Variants in PLOD2 observed in about 807,000 individuals in gnomAD.
The protein encoded by PLOD2 is lysine hydroxylase 2.
PLOD2 carries 65 observed loss-of-function variants against 101.0 expected under a neutral mutation model. The observed-to-expected ratio is 0.64, with a 90% CI of 0.53 to 0.79. PLOD2 has a LOEUF of 0.79. Ranked by LOEUF, PLOD2 falls within the 30% of genes least tolerant of loss-of-function variation. The pLI, the probability that PLOD2 is intolerant of heterozygous loss-of-function variation, is 0.00. For synonymous variants in PLOD2, 314 were observed against 302.9 expected (o/e 1.04, Z -0.38); for missense variants, 909 against 914.6 (o/e 0.99, Z 0.08).
intron 7 of PLOD2, among the ~76,000 whole-genome samples, chr3:146,098,462 G>A (rs1052927325): frequency 9.2e-5 from 14 of 151,868 alleles, no homozygotes; most frequent in African/African-American, 3.1e-4. Context: ...TGTTAATTAA[G>A]AAACACAAAA....
chr3:146,085,566 T>C (rs754749943), intron 10 of PLOD2: 3 of 472,730 alleles, frequency 6.3e-6, no homozygotes, highest in Non-Finnish European at 7.5e-6. Context: ...AAAATGTTTC[T>C]GCATACATAC....
chr3:146,106,791 A>G (rs1020838691), intron 4 of PLOD2, 147 bp from the exon 5 acceptor site: 21 of 674,474 alleles, frequency 3.1e-5, no homozygotes, highest in Non-Finnish European at 5.4e-5. Context: ...CATGAAAGAA[A>G]TATGAATTAT....
intron 15 of PLOD2, chr3:146,076,538 T>TA: frequency 3.5e-6 from 1 of 286,808 alleles, no homozygotes; most frequent in African/African-American, 2.2e-5. Context: ...CTTTCCAAAT[T>TA]CATTCCGACC....
At chr3:146,091,504 A>G (rs1326910560) in intron 8 of PLOD2, among the ~76,000 whole-genome samples, 1 of 151,878 alleles carries the variant, frequency 6.6e-6, no homozygotes, top group Non-Finnish European at 1.5e-5. Flanking sequence ...TTTTTTCTCA[A>G]TGCTTTGACT....
At chr3:146,118,815 C>T (rs868685996) in intron 3 of PLOD2, among the ~76,000 whole-genome samples, 10 of 152,082 alleles carry the variant, frequency 6.6e-5, no homozygotes, top group African/African-American at 2.4e-4. Context: ...TATAACTTTG[C>T]GTGGTCTTTT....
chr3:146,108,713 T>A (rs1303618301), intron 4 of PLOD2, among the ~76,000 whole-genome samples: 1 of 152,238 alleles, frequency 6.6e-6, no homozygotes, highest in South Asian at 2.1e-4. Flanking sequence ...GACTTACAAC[T>A]GCACTTGCTT....
intron 1 of PLOD2, among the ~76,000 whole-genome samples, chr3:146,152,304 C>T (rs35017529): frequency 0.027 from 4,179 of 152,104 alleles, 104 homozygotes; most frequent in Non-Finnish European, 0.037. Context: ...CCTGTAATGC[C>T]AGCTACTCAG....
intron 1 of PLOD2, among the ~76,000 whole-genome samples, chr3:146,136,231 A>G (rs536363658): frequency 4.5e-4 from 69 of 152,204 alleles, no homozygotes; most frequent in African/African-American, 1.6e-3. Context: ...TTTTACACTG[A>G]TATCTTGTCA....
Position 146,161,110 on chromosome 3 carries a change from G to T in PLOD2, c.-121C>A. ...GCCGATTGCGGGCGGGAGCCGGCGG[G>T]CAAGGCGCGCGGCCGGCAGCCGGAG... On this transcript the variant is annotated 5_prime_UTR_variant, in exon 1 of 20. Coordinates refer to ENST00000282903, the MANE Select transcript of PLOD2 (RefSeq NM_182943.3). 3.8e-6 allele frequency: 2 copies of T among 525,100 alleles called. No homozygotes were observed. Among genetic ancestry groups the T allele is most frequent in the Non-Finnish European group, 6.1e-6 (2 of 328,132 alleles). The allele number at this position is 525,100 out of a possible 1,614,324, so 32.5% of individuals were successfully genotyped here. A position where few individuals can be genotyped will look rare whatever the true frequency, so the allele number is the denominator to read the frequency against.
rs370059614 is a variant in PLOD2, at chr3:146,071,033, C to G, written c.2121+9G>C. 2.8e-5 allele frequency: 45 copies of G among 1,601,646 alleles called. No homozygotes were observed. In the Admixed American group the frequency reaches 3.5e-4, roughly 13 times the overall value. On this transcript the variant is annotated intron_variant, in intron 19 of 19. Coordinates refer to ENST00000282903, the MANE Select transcript of PLOD2 (RefSeq NM_182943.3). ...TTGAAAAATCTAAAAACACAAGAGTCATAATTACCTGAAAGTCTTCTCCCA... is the reference window on the plus strand; with the variant it reads ...TTGAAAAATCTAAAAACACAAGAGTGATAATTACCTGAAAGTCTTCTCCCA...
chr3:146,102,941 A>C, intron 6 of PLOD2, 89 bp from the exon 7 acceptor site: 1 of 712,560 alleles, frequency 1.4e-6, no homozygotes, highest in Non-Finnish European at 2.5e-6. Flanking sequence ...ATGTGTGTGT[A>C]TCATCATTAC....
intron 4 of PLOD2, 98 bp downstream of exon 4, chr3:146,110,186 AT>A (rs1439046629): frequency 2.1e-5 from 21 of 1,006,712 alleles, no homozygotes; most frequent in Non-Finnish European, 1.7e-5. Flanking sequence ...AATAAGGGTT[AT>A]TTAAAACTTC....
chr3:146,136,767 T>C (rs905266592), intron 1 of PLOD2, among the ~76,000 whole-genome samples: 2 of 152,226 alleles, frequency 1.3e-5, no homozygotes, highest in African/African-American at 4.8e-5. Flanking sequence ...TAACATTCCT[T>C]ACAGGTTTGT....
rs1047854560 is a variant in PLOD2, at chr3:146,099,218, G to T, written c.777+3537C>A. Reference sequence around the variant, plus strand: ...ACTTAATATTTCTTAGTACACCTAGGTCTTTCTAAATGATTAAGGATTAGT... The same window carrying T: ...ACTTAATATTTCTTAGTACACCTAGTTCTTTCTAAATGATTAAGGATTAGT... On this transcript the variant is annotated intron_variant, in intron 7 of 19. Coordinates refer to ENST00000282903, the MANE Select transcript of PLOD2 (RefSeq NM_182943.3). 7.9e-5 allele frequency among the ~76,000 whole-genome samples: 12 copies of T among 152,228 alleles called. No homozygotes were observed. In the East Asian group the frequency reaches 2.1e-3, roughly 27 times the overall value.
At chr3:146,114,762 G>T (rs1428053180) in intron 3 of PLOD2, among the ~76,000 whole-genome samples, 1 of 152,066 alleles carries the variant, frequency 6.6e-6, no homozygotes, top group Non-Finnish European at 1.5e-5. Flanking sequence ...TAAGAAAGAG[G>T]AAGACATGAA....
In PLOD2 at chr3:146,144,676, G is replaced by A. The variant is rs889950008; in HGVS notation, c.109+16205C>T. 4.6e-5 allele frequency among the ~76,000 whole-genome samples: 7 copies of A among 151,952 alleles called. No homozygotes were observed. In the South Asian group the frequency reaches 6.2e-4, roughly 13 times the overall value. On this transcript the variant is annotated intron_variant, in intron 1 of 19. Coordinates refer to ENST00000282903, the MANE Select transcript of PLOD2 (RefSeq NM_182943.3). ...GTTATAAAACTTATGGTATAATCCC[G>A]TGACAGATATAAAAATGTTACTTAA...
intron 7 of PLOD2, 85 bp from the exon 8 acceptor site, chr3:146,091,986 T>C (rs1936990338): frequency 2.7e-6 from 2 of 751,650 alleles, no homozygotes. Flanking sequence ...TTTAAAAGCA[T>C]GTTTTCTGCA....
chr3:146,143,490 T>C (rs1224799627), intron 1 of PLOD2, among the ~76,000 whole-genome samples: 1 of 152,048 alleles, frequency 6.6e-6, no homozygotes, highest in Non-Finnish European at 1.5e-5. Flanking sequence ...CTCCTAACCA[T>C]CTTTTCTGTG....
intron 1 of PLOD2, among the ~76,000 whole-genome samples, chr3:146,134,021 C>G (rs1288450206): frequency 1.3e-5 from 2 of 152,010 alleles, no homozygotes; most frequent in Non-Finnish European, 2.9e-5. Flanking sequence ...GTCTAGCAAT[C>G]ACATCATTAC....
Sources: allele counts gnomAD v4.1 joint callset (sites outside exome capture counted in the v4.1 genomes callset), GRCh38; gene constraint gnomAD v4.1.1; transcripts MANE v1.5; gene names NCBI Gene and HGNC (gene_info 2026-07-23, HGNC 2026-07-21).